The following PHF2 variants were observed in gnomAD, a reference collection of about 807,000 sequenced individuals.
PHF2 encodes the protein PHD finger protein 2, also known as lysine-specific demethylase PHF2.
A neutral mutation model predicts 120.5 loss-of-function variants in PHF2; 27 were observed. The ratio of observed to expected loss-of-function variants is 0.22; its 90% CI spans 0.17 to 0.31. The LOEUF (loss-of-function observed/expected upper bound fraction) is 0.31. Among genes scored for constraint, PHF2 ranks in the 10% least tolerant of loss-of-function variants. The probability of loss-of-function intolerance (pLI) is 1.00; values close to 1 mark genes in which losing one functional copy is unlikely to be tolerated. For missense variants in PHF2, 1,024 were observed against 1,434.8 expected (o/e 0.71, Z 4.63); for synonymous variants, 568 against 592.5 (o/e 0.96, Z 0.60).
intron 2 of PHF2, 37 bp downstream of exon 2, chr9:93,630,092 A>G: frequency 1.2e-5 from 19 of 1,590,700 alleles, no homozygotes; most frequent in Non-Finnish European, 1.6e-5. Flanking sequence ...CTCTTGCGGA[A>G]GAGAGCAGCA....
At chr9:93,665,194 G>GAA (rs140911363) in intron 14 of PHF2, among the ~76,000 whole-genome samples, 5 of 152,164 alleles carry the variant, frequency 3.3e-5, no homozygotes, top group African/African-American at 1.2e-4. Flanking sequence ...TAGCTATGGA[G>GAA]AAAAAAACCA....
rs144467670 is a variant in PHF2 at position 93,618,442 on chromosome 9, A to G, written c.99-11528A>G. 1.2e-3 allele frequency among the ~76,000 whole-genome samples: 184 copies of G among 152,376 alleles called. 3 individuals carry two copies. The highest frequency in any genetic ancestry group is 4.1e-3 in the African/African-American group (169 of 41,600). ...CTGCCTGCATACACGTGCACACACAAACGGGCATACAAGCACACACACACA... is the reference window on the plus strand; with the variant it reads ...CTGCCTGCATACACGTGCACACACAGACGGGCATACAAGCACACACACACA... On this transcript the variant is annotated intron_variant, in intron 1 of 21. Transcript: ENST00000359246.
At chr9:93,646,409 C>T (rs1056624344) in intron 4 of PHF2, among the ~76,000 whole-genome samples, 2 of 152,206 alleles carry the variant, frequency 1.3e-5, no homozygotes, top group Non-Finnish European at 2.9e-5. Context: ...CCAGTGGCCA[C>T]ATGGCCAAGC....
chr9:93,673,473 A>T, intron 17 of PHF2, 112 bp from the exon 18 acceptor site: 1 of 971,082 alleles, frequency 1.0e-6, no homozygotes, highest in Non-Finnish European at 1.5e-6. Context: ...TCTGCCTGCC[A>T]CCTGGGCCAG....
intron 4 of PHF2, among the ~76,000 whole-genome samples, chr9:93,646,282 G>A (rs1325355521): frequency 2.6e-5 from 4 of 152,246 alleles, no homozygotes; most frequent in African/African-American, 7.2e-5. Flanking sequence ...TCCCCTTGCA[G>A]CTCCAGAGCT....
At chr9:93,596,531 C>T (rs903660174) in intron 1 of PHF2, among the ~76,000 whole-genome samples, 3 of 151,992 alleles carry the variant, frequency 2.0e-5, no homozygotes, top group Admixed American at 2.0e-4. Context: ...GCACCCAGAA[C>T]CTTCAGAGGA....
chr9:93,623,413 G>A (rs1019120252), intron 1 of PHF2, among the ~76,000 whole-genome samples: 24 of 152,152 alleles, frequency 1.6e-4, no homozygotes, highest in African/African-American at 2.4e-5. Context: ...TGCACGTGAC[G>A]TTTTCTAGCC....
chr9:93,585,673 C>T (rs57714051), intron 1 of PHF2, among the ~76,000 whole-genome samples: 3,172 of 152,356 alleles, frequency 0.021, 123 homozygotes, highest in African/African-American at 0.072. Flanking sequence ...ACACCCACCC[C>T]TGGGGCTGCC....
chr9:93,584,400 C>A (rs1862995200), intron 1 of PHF2, among the ~76,000 whole-genome samples: 1 of 152,052 alleles, frequency 6.6e-6, no homozygotes, highest in Non-Finnish European at 1.5e-5. Flanking sequence ...GGTTTTTGAT[C>A]CATCTTCTGT....
intron 1 of PHF2, among the ~76,000 whole-genome samples, chr9:93,605,820 C>A (rs562148872): frequency 6.6e-6 from 1 of 152,292 alleles, no homozygotes; most frequent in South Asian, 2.1e-4. Context: ...TGAAGGGCAT[C>A]TTGGTTGCTT....
At chr9:93,665,945 TC>T (rs1463532869) in intron 15 of PHF2, 44 bp from the exon 16 acceptor site, 3 of 1,612,028 alleles carry the variant, frequency 1.9e-6, no homozygotes, top group Non-Finnish European at 2.5e-6. Context: ...GGTGGCTGGC[TC>T]CCCGCAAGGC....
rs763906874 is a variant in PHF2 at position 93,636,502 on chromosome 9, G to A, written c.276G>A (p.Glu92=). 1 of 1,598,840 alleles carries A rather than the reference G, an allele frequency of 6.3e-7. No individual in the cohort carries two copies. Among genetic ancestry groups the A allele is most frequent in the East Asian group, 2.3e-5 (1 of 44,310 alleles). ...VQNGSQLFIK[E]LRSRTFPSAE... ...ATGGCAGCCAGCTCTTCATCAAGGA[G>A]CTGCGGAGCCGGACCTTTCCCAGGT... The change falls in exon 3 of 22, where the codon GAG becomes GAA. Residue 92 remains glutamate, a synonymous_variant. Coordinates refer to ENST00000359246, the MANE Select transcript of PHF2 (RefSeq NM_005392.4).
At position 93,656,643 on chromosome 9, in the gene PHF2, TG is replaced by T; in HGVS notation, c.1147+53del. On this transcript the variant is annotated intron_variant, in intron 9 of 21. Coordinates refer to ENST00000359246, the MANE Select transcript of PHF2 (RefSeq NM_005392.4). This position sits in a 1 kb window ranked among gnomAD's most constrained non-coding sequence, Gnocchi z 4.1. ...CGTCCAAGCCTGGGGCTCTTGGCTG[TG>T]GGGGCAGCCAGACCTGGTCAGGGCT... The T allele has an allele frequency of 1.5e-6, 2 of 1,325,094 alleles. No homozygotes were observed. The highest frequency in any genetic ancestry group is 2.2e-6 in the Non-Finnish European group (2 of 921,170). 82.1% of individuals were successfully genotyped at this position (1,325,094 alleles called of 1,614,324 possible). A position where few individuals can be genotyped will look rare whatever the true frequency, so the allele number is the denominator to read the frequency against.
intron 1 of PHF2, among the ~76,000 whole-genome samples, chr9:93,625,089 C>T (rs1258561022): frequency 6.6e-6 from 1 of 152,126 alleles, no homozygotes; most frequent in Non-Finnish European, 1.5e-5. Context: ...TTTTAATTTC[C>T]AAAGGAAACT....
intron 2 of PHF2, among the ~76,000 whole-genome samples, chr9:93,633,627 C>T (rs752123366): frequency 6.6e-6 from 1 of 152,182 alleles, no homozygotes; most frequent in Non-Finnish European, 1.5e-5. Flanking sequence ...CTCTGTGTAC[C>T]TTTGCTGGTG....
chr9:93,583,746 C>T (rs867761940), intron 1 of PHF2, among the ~76,000 whole-genome samples: 3 of 151,888 alleles, frequency 2.0e-5, no homozygotes, highest in Middle Eastern at 3.4e-3. Context: ...CCCACTTTTA[C>T]ATTGGATTGC....
At chr9:93,669,492 C>T (rs1250600358) in intron 17 of PHF2, among the ~76,000 whole-genome samples, 1 of 152,246 alleles carries the variant, frequency 6.6e-6, no homozygotes, top group Non-Finnish European at 1.5e-5. Context: ...TTGAGGCTGA[C>T]CATGCTTGAT....
chr9:93,577,554 G>A (rs1290580696), intron 1 of PHF2, among the ~76,000 whole-genome samples: 3 of 152,184 alleles, frequency 2.0e-5, no homozygotes, highest in Admixed American at 6.5e-5. Flanking sequence ...GCAGGAGTGC[G>A]GTGACAGAAT....
intron 1 of PHF2, among the ~76,000 whole-genome samples, chr9:93,620,491 G>A (rs1372889991): frequency 4.6e-5 from 7 of 152,248 alleles, no homozygotes; most frequent in Admixed American, 4.6e-4. Flanking sequence ...TCAGCAAGAT[G>A]TGGCTGCTTG....
Sources: allele counts gnomAD v4.1 joint callset (sites outside exome capture counted in the v4.1 genomes callset), GRCh38; gene constraint gnomAD v4.1.1; non-coding constraint Gnocchi (gnomAD v3.1); transcripts MANE v1.5; gene names NCBI Gene and HGNC (gene_info 2026-07-23, HGNC 2026-07-21).